The following GALNT17 variants were observed in gnomAD, a reference collection of about 807,000 sequenced individuals.
The protein encoded by GALNT17 is polypeptide N-acetylgalactosaminyltransferase 17, also known as UDP-GalNAc:polypeptide N-acetylgalactosaminyltransferase-like 3.
GALNT17 carries 29 observed loss-of-function variants against 63.7 expected under a neutral mutation model. The observed-to-expected ratio is 0.46, with a 90% CI of 0.34 to 0.62. The LOEUF (loss-of-function observed/expected upper bound fraction) is 0.62. Ranked by LOEUF, GALNT17 falls within the 20% of genes least tolerant of loss-of-function variation. The pLI is 0.01. For missense variants in GALNT17, 603 were observed against 799.6 expected (o/e 0.75, Z 2.97); for synonymous variants, 305 against 318.3 (o/e 0.96, Z 0.45).
intron 2 of GALNT17, among the ~76,000 whole-genome samples, chr7:71,377,442 C>A (rs549348609): frequency 1.3e-5 from 2 of 152,106 alleles, no homozygotes; most frequent in South Asian, 4.2e-4. Context: ...GCAACAGAAC[C>A]TGGGCTAGTC....
At chr7:71,542,946 G>T (rs973147808) in intron 5 of GALNT17, among the ~76,000 whole-genome samples, 2 of 151,140 alleles carry the variant, frequency 1.3e-5, no homozygotes, top group African/African-American at 4.9e-5. Context: ...AATCTGAGCT[G>T]TAAGACTGTA....
intron 1 of GALNT17, among the ~76,000 whole-genome samples, chr7:71,328,685 G>T (rs772919664): frequency 1.8e-3 from 247 of 138,880 alleles, no homozygotes; most frequent in Non-Finnish European, 2.8e-3. Flanking sequence ...TTGAACCTTT[G>T]TGGCAGATTA....
intron 6 of GALNT17, among the ~76,000 whole-genome samples, chr7:71,606,510 T>G (rs139760324): frequency 4.6e-5 from 7 of 152,248 alleles, no homozygotes; most frequent in African/African-American, 1.4e-4. Flanking sequence ...CATCTGCTCT[T>G]CTCTTGTGGC....
intron 7 of GALNT17, 81 bp downstream of exon 7, chr7:71,665,677 G>A (rs573105892): frequency 6.1e-5 from 89 of 1,466,684 alleles, no homozygotes; most frequent in African/African-American, 1.0e-4. Flanking sequence ...TAAACCAATC[G>A]TTCCTCCCCA....
rs1193479970 is a variant in GALNT17, at chr7:71,305,208, C to G, written c.239-30342C>G. Among the ~76,000 whole-genome samples, 3 of 132,402 alleles carry G rather than the reference C, an allele frequency of 2.3e-5. No individual in the cohort carries two copies. The East Asian group carries it at 5.8e-4, about 26-fold the overall frequency. The allele number at this position is 132,402 out of a possible 152,430, so 86.9% of individuals were successfully genotyped here. On this transcript the variant is annotated intron_variant, in intron 1 of 10. Transcript: ENST00000333538. ...CTATCACATATAATCCTATTTGGAG[C>G]AAAAATACTTTGAGCACATGTTAAT... is the stretch of plus-strand genomic sequence containing the variant.
At chr7:71,494,790 G>A (rs1300228301) in intron 5 of GALNT17, among the ~76,000 whole-genome samples, 1 of 152,196 alleles carries the variant, frequency 6.6e-6, no homozygotes, top group Non-Finnish European at 1.5e-5. Flanking sequence ...GGCTGGGGAG[G>A]CCTCACAATC....
Position 71,467,426 on chromosome 7 carries a change from C to T in GALNT17, c.962+46321C>T, listed in dbSNP as rs553025298. ...AGTAAATATCAGTTGTCTGTACTAC[C>T]GAAACATGACTATTTAAAAACAATT... is the stretch of plus-strand genomic sequence containing the variant. On this transcript the variant is annotated intron_variant, in intron 5 of 10. Transcript: ENST00000333538. Among the ~76,000 whole-genome samples, 15 of 152,166 alleles carry T rather than the reference C, an allele frequency of 9.9e-5. No homozygotes were observed. In the South Asian group the frequency reaches 2.3e-3, roughly 23 times the overall value.
At chr7:71,231,444 G>GA (rs1789786699) in intron 1 of GALNT17, among the ~76,000 whole-genome samples, 1 of 152,118 alleles carries the variant, frequency 6.6e-6, no homozygotes, top group Admixed American at 6.5e-5. Flanking sequence ...TGCAAGTCCA[G>GA]AGCTTGCTAT....
At position 71,513,531 on chromosome 7, in the gene GALNT17, A is replaced by G. The variant is rs544073233; in HGVS notation, c.963-57754A>G. On this transcript the variant is annotated intron_variant, in intron 5 of 10. Coordinates refer to ENST00000333538, the MANE Select transcript of GALNT17 (RefSeq NM_022479.3). The stretch of plus-strand genomic sequence containing the variant: ...CTCCCGAGTAGCTGTGACTACAGGC[A>G]TGCTCCACCATGCCTGGCTAAGTTT... 6.6e-5 allele frequency among the ~76,000 whole-genome samples: 10 copies of G among 152,056 alleles called. No individual in the cohort carries two copies. In the East Asian group the frequency reaches 1.6e-3, roughly 24 times the overall value.
intron 1 of GALNT17, among the ~76,000 whole-genome samples, chr7:71,261,037 G>A (rs947281389): frequency 6.6e-6 from 1 of 152,234 alleles, no homozygotes; most frequent in African/African-American, 2.4e-5. Flanking sequence ...ACTTCGCAGT[G>A]CAGGGATTCC....
intron 1 of GALNT17, among the ~76,000 whole-genome samples, chr7:71,181,602 T>C (rs1322937107): frequency 1.3e-5 from 2 of 152,094 alleles, no homozygotes; most frequent in African/African-American, 4.8e-5. Context: ...GCACGGTGGC[T>C]CATGCCTGTA....
At chr7:71,337,711 T>C (rs1414420833) in intron 2 of GALNT17, among the ~76,000 whole-genome samples, 1 of 151,286 alleles carries the variant, frequency 6.6e-6, no homozygotes, top group Non-Finnish European at 1.5e-5. Context: ...CTACTAAAAA[T>C]ACAAAAATTG....
intron 1 of GALNT17, among the ~76,000 whole-genome samples, chr7:71,163,915 T>C (rs1316228123): frequency 6.6e-6 from 1 of 152,230 alleles, no homozygotes; most frequent in African/African-American, 2.4e-5. Context: ...TTACTGCTAT[T>C]ACCTTTTAGT....
intron 1 of GALNT17, among the ~76,000 whole-genome samples, chr7:71,258,297 G>C (rs565798180): frequency 3.3e-5 from 5 of 152,364 alleles, no homozygotes; most frequent in Middle Eastern, 3.4e-3. Flanking sequence ...ACTGCACTCA[G>C]TATTCCCTAA....
chr7:71,388,113 A>T, intron 2 of GALNT17, 122 bp from the exon 3 acceptor site: 1 of 1,018,284 alleles, frequency 9.8e-7, no homozygotes, highest in Non-Finnish European at 1.5e-6. Flanking sequence ...TAAGGGAACC[A>T]GTGATTCACG....
intron 6 of GALNT17, among the ~76,000 whole-genome samples, chr7:71,594,998 G>GGGATGGGGAAGAC (rs2116924014): frequency 6.6e-6 from 1 of 152,256 alleles, no homozygotes; most frequent in Admixed American, 6.5e-5. Flanking sequence ...TTCATGTTGT[G>GGGATGGGGAAGAC]ATAAAGAGAG....
At chr7:71,230,186 A>G (rs888459624) in intron 1 of GALNT17, among the ~76,000 whole-genome samples, 2 of 152,016 alleles carry the variant, frequency 1.3e-5, no homozygotes, top group East Asian at 1.9e-4. Context: ...AGAATGTCAA[A>G]TATCAGGTAA....
chr7:71,596,444 G>C (rs915444888), intron 6 of GALNT17, among the ~76,000 whole-genome samples: 4 of 152,032 alleles, frequency 2.6e-5, no homozygotes, highest in Admixed American at 2.6e-4. Context: ...AAGGATTATC[G>C]ATAAACAGTG....
At chr7:71,336,228 A>G (rs1028426525) in intron 2 of GALNT17, among the ~76,000 whole-genome samples, 1 of 151,892 alleles carries the variant, frequency 6.6e-6, no homozygotes, top group Admixed American at 6.6e-5. Context: ...TATTTTTAGT[A>G]GAGATGGGAT....
Sources: gnomAD v4.1 joint callset for allele counts (sites outside exome capture counted in the v4.1 genomes callset) on GRCh38, gnomAD v4.1.1 for gene constraint, MANE v1.5 for transcripts, NCBI Gene and HGNC (gene_info 2026-07-23, HGNC 2026-07-21) for gene names.